Variants in MYMX observed in about 807,000 individuals in gnomAD.
The protein encoded by MYMX is myomixer, myoblast fusion factor.
At chr6:44,195,463 T>A in the MYMX span, among the ~76,000 whole-genome samples, 18 of 147,262 alleles carry the variant, frequency 1.2e-4, no homozygotes, top group Admixed American at 2.7e-4. Flanking sequence ...TATGCTGTAA[T>A]TTTTTTTTTA....
chr6:44,209,388 C>T, the MYMX span, among the ~76,000 whole-genome samples: 4 of 152,192 alleles, frequency 2.6e-5, no homozygotes, highest in African/African-American at 9.7e-5. Flanking sequence ...TCCCAAAGTG[C>T]TGGGATTGCA....
At chr6:44,194,850 G>A in the MYMX span, among the ~76,000 whole-genome samples, 1 of 152,164 alleles carries the variant, frequency 6.6e-6, no homozygotes, top group Non-Finnish European at 1.5e-5. Flanking sequence ...GCAGCGGTTA[G>A]GGAGACCAGT....
the MYMX span, among the ~76,000 whole-genome samples, chr6:44,210,897 A>G: frequency 6.6e-6 from 1 of 152,144 alleles, no homozygotes; most frequent in African/African-American, 2.4e-5. Context: ...GGGAGGCTGA[A>G]GCAGGAAGAT....
At chr6:44,210,364 C>T in the MYMX span, among the ~76,000 whole-genome samples, 1 of 152,332 alleles carries the variant, frequency 6.6e-6, no homozygotes, top group African/African-American at 2.4e-5. Context: ...TAATAGCTCA[C>T]TGCAGTCTCG....
chr6:44,203,882 C>T, the MYMX span, among the ~76,000 whole-genome samples: 6 of 152,198 alleles, frequency 3.9e-5, no homozygotes, highest in African/African-American at 1.4e-4. Flanking sequence ...GAGTCTCGCT[C>T]TGTCACCCAG....
the MYMX span, among the ~76,000 whole-genome samples, chr6:44,195,766 T>G: frequency 6.6e-6 from 1 of 152,242 alleles, no homozygotes; most frequent in African/African-American, 2.4e-5. Context: ...ACGTTATGTA[T>G]CATGTTTTTG....
In MYMX at chr6:44,217,859, G is replaced by A. The variant is rs549478686; in HGVS notation, c.*133G>A. The A allele has an allele frequency of 2.8e-5, 11 of 399,466 alleles. No individual in the cohort carries two copies. The East Asian group carries it at 3.2e-4, about 12-fold the overall frequency. The allele number at this position is 399,466 out of a possible 1,614,324, so 24.7% of individuals were successfully genotyped here. On this transcript the variant is annotated 3_prime_UTR_variant, in exon 2 of 2. Coordinates refer to ENST00000573382, the MANE Select transcript of MYMX (RefSeq NM_001315494.2). ...TGAGGGTTGTGCATGAGAGGGATCT[G>A]CCACAGACATGCCTCTCCACTCCCA...
the MYMX span, among the ~76,000 whole-genome samples, chr6:44,199,178 CTTATTT>C: frequency 6.6e-6 from 1 of 152,186 alleles, no homozygotes; most frequent in South Asian, 2.1e-4. Flanking sequence ...CTAGTGCCCT[CTTATTT>C]TTGTTATCTT....
the MYMX span, among the ~76,000 whole-genome samples, chr6:44,197,176 C>T: frequency 3.9e-5 from 6 of 152,318 alleles, 1 homozygote; most frequent in African/African-American, 1.2e-4. Context: ...GCAGAGGCTG[C>T]AGTGAGCCGA....
At chr6:44,213,517 G>A (rs957950305), upstream of MYMX, among the ~76,000 whole-genome samples, 6 of 151,512 alleles carry the variant, frequency 4.0e-5, no homozygotes, top group Admixed American at 2.0e-4. Flanking sequence ...CGCCTCCCGG[G>A]CTCAAGCAAT....
chr6:44,203,515 T>C, the MYMX span, among the ~76,000 whole-genome samples: 1 of 152,118 alleles, frequency 6.6e-6, no homozygotes, highest in Non-Finnish European at 1.5e-5. Context: ...AACAGTCCAT[T>C]ACTGGTGAGA....
the MYMX span, among the ~76,000 whole-genome samples, chr6:44,205,873 G>A: frequency 6.6e-6 from 1 of 151,304 alleles, no homozygotes; most frequent in Non-Finnish European, 1.5e-5. Flanking sequence ...TCAGCTACTT[G>A]GGAGGCTGAG....
upstream of MYMX, chr6:44,216,812 C>A (rs2128331855): frequency 6.6e-6 from 1 of 152,564 alleles, no homozygotes; most frequent in East Asian, 1.9e-4. Context: ...ATACCAGGTG[C>A]CAGAACACAG....
chr6:44,211,213 GCTTA>G, the MYMX span, among the ~76,000 whole-genome samples: 925 of 152,288 alleles, frequency 6.1e-3, 3 homozygotes, highest in Non-Finnish European at 8.3e-3. Flanking sequence ...GTTTGTAACT[GCTTA>G]CTTCCTAGTT....
Position 44,217,710 on chromosome 6 carries a change from T to A in MYMX, c.239T>A (p.Leu80Ter), listed in dbSNP as rs746774860. The A allele has an allele frequency of 4.9e-4, 198 of 400,906 alleles. 1 individual carries two copies. The highest frequency in any genetic ancestry group is 1.3e-4 in the Admixed American group (3 of 22,720). 24.8% of individuals were successfully genotyped at this position (400,906 alleles called of 1,614,324 possible). ...GACCGCCTGGAGAGGAGGGAGAGGT[T>A]AGGCCCCCAAAAGTGAGGCCACAAG... Reference protein sequence around the residue: ...RVDRLERRERLGPQK With the variant: ...RVDRLERRER Residue 80 changes from leucine (L) to a stop codon, truncating the protein, a stop_gained, in exon 2 of 2, where the codon TTA (leucine) becomes TAA (stop). Coordinates refer to ENST00000573382, the MANE Select transcript of MYMX (RefSeq NM_001315494.2). LOFTEE classifies it high-confidence loss of function.
the MYMX span, among the ~76,000 whole-genome samples, chr6:44,206,145 C>G: frequency 2.0e-5 from 3 of 151,934 alleles, no homozygotes; most frequent in African/African-American, 7.3e-5. Flanking sequence ...ATATTAGGCT[C>G]CTAGATCTCT....
the MYMX span, among the ~76,000 whole-genome samples, chr6:44,193,332 G>A: frequency 6.6e-6 from 1 of 151,832 alleles, no homozygotes; most frequent in Non-Finnish European, 1.5e-5. Context: ...TAATCCCAAA[G>A]TGCTGGGATT....
the MYMX span, among the ~76,000 whole-genome samples, chr6:44,211,661 A>G: frequency 1.4e-5 from 2 of 143,782 alleles, no homozygotes. Flanking sequence ...TGTGTCGCCC[A>G]GGCTAGAGTG....
At chr6:44,197,298 G>C in the MYMX span, among the ~76,000 whole-genome samples, 14 of 151,626 alleles carry the variant, frequency 9.2e-5, no homozygotes, top group African/African-American at 3.4e-4. Flanking sequence ...TTTGGGAGGC[G>C]GAGGCAGGCG....
Sources: gnomAD v4.1 joint callset for allele counts (sites outside exome capture counted in the v4.1 genomes callset) on GRCh38, gnomAD v4.1.1 for gene constraint, MANE v1.5 for transcripts, NCBI Gene and HGNC (gene_info 2026-07-23, HGNC 2026-07-21) for gene names.